Variants in PLA2G4A observed in about 807,000 individuals in gnomAD.
PLA2G4A encodes the protein cytosolic phospholipase A2.
In PLA2G4A, 40 loss-of-function variants were observed where a neutral mutation model predicts 81.9. The observed-to-expected ratio is 0.49, with a 90% CI of 0.38 to 0.64. The LOEUF (loss-of-function observed/expected upper bound fraction) is 0.64. PLA2G4A is among the 30% of genes least tolerant of loss of function. The probability of loss-of-function intolerance (pLI) is 0.00; values close to 1 mark genes in which losing one functional copy is unlikely to be tolerated. For missense variants in PLA2G4A, 715 were observed against 905.1 expected, an observed-to-expected ratio of 0.79 and a Z score of 2.69; for synonymous variants, 302 against 296.9, an observed-to-expected ratio of 1.02 and a Z score of -0.18.
chr1:186,968,841 T>G (rs1328376524), intron 15 of PLA2G4A, among the ~76,000 whole-genome samples: 1 of 151,828 alleles, frequency 6.6e-6, no homozygotes, highest in African/African-American at 2.4e-5. Context: ...TGTCTAATTA[T>G]ATATTTGAGT....
intron 2 of PLA2G4A, among the ~76,000 whole-genome samples, chr1:186,860,975 G>A (rs1189346531): frequency 6.6e-6 from 1 of 152,078 alleles, no homozygotes; most frequent in Non-Finnish European, 1.5e-5. Context: ...GTTTATTTCT[G>A]TGCCTGTTGA....
chr1:186,907,691 A>G (rs1486066422), intron 6 of PLA2G4A, among the ~76,000 whole-genome samples: 1 of 152,222 alleles, frequency 6.6e-6, no homozygotes, highest in Non-Finnish European at 1.5e-5. Flanking sequence ...TGCCACGAAA[A>G]CAAATTGAAC....
intron 1 of PLA2G4A, among the ~76,000 whole-genome samples, chr1:186,844,938 C>T (rs968283993): frequency 6.6e-6 from 1 of 152,062 alleles, no homozygotes; most frequent in Non-Finnish European, 1.5e-5. Flanking sequence ...GCCAAGGCCA[C>T]ACCTGATCAC....
chr1:186,947,998 A>G (rs1032402313), intron 12 of PLA2G4A, among the ~76,000 whole-genome samples: 7 of 152,180 alleles, frequency 4.6e-5, no homozygotes, highest in Non-Finnish European at 1.0e-4. Context: ...TTTACATGCA[A>G]AAGAGAATAC....
chr1:186,867,698 T>A (rs536222314), intron 2 of PLA2G4A, among the ~76,000 whole-genome samples: 1 of 152,284 alleles, frequency 6.6e-6, no homozygotes, highest in African/African-American at 2.4e-5. Flanking sequence ...TTCCTTTTCT[T>A]ATCTTATTGC....
At chr1:186,961,162 C>T (rs1656928121) in intron 14 of PLA2G4A, among the ~76,000 whole-genome samples, 2 of 30,458 alleles carry the variant, frequency 6.6e-5, no homozygotes, top group Admixed American at 4.4e-4. Context: ...GTGAGGATTA[C>T]CAGAAGCTGG....
chr1:186,855,333 T>C lies in PLA2G4A; in HGVS notation c.33+946T>C, dbSNP rs183518057. On this transcript the variant is annotated intron_variant, in intron 2 of 17. Coordinates refer to ENST00000367466, the MANE Select transcript of PLA2G4A (RefSeq NM_024420.3). ...TCTTCTCAGATTTTTCTGGTTTTGT[T>C]TCTTCTGTTTCCTTGCTGTTGGTTA... Among the ~76,000 whole-genome samples the C allele has an allele frequency of 5.4e-4, 82 of 152,140 alleles. 1 individual carries two copies. Among genetic ancestry groups the C allele is most frequent in the African/African-American group, 1.9e-3 (77 of 41,530 alleles).
chr1:186,868,300 AC>A (rs1039132840), intron 2 of PLA2G4A, among the ~76,000 whole-genome samples: 3 of 150,780 alleles, frequency 2.0e-5, no homozygotes, highest in African/African-American at 7.3e-5. Flanking sequence ...CTGGTCTCAA[AC>A]TCCTGACCTC....
At chr1:186,953,180 T>C (rs1319501537) in intron 13 of PLA2G4A, among the ~76,000 whole-genome samples, 1 of 152,216 alleles carries the variant, frequency 6.6e-6, no homozygotes. Context: ...TGCATTCCAC[T>C]ACCAGCCATG....
At chr1:186,878,523 T>C (rs1373748097) in intron 3 of PLA2G4A, among the ~76,000 whole-genome samples, 2 of 151,684 alleles carry the variant, frequency 1.3e-5, no homozygotes, top group East Asian at 3.9e-4. Context: ...TCATGGAAGA[T>C]AATTTCAAGA....
intron 2 of PLA2G4A, 100 bp from the exon 3 acceptor site, chr1:186,870,335 G>A (rs1231610511): frequency 2.7e-6 from 2 of 746,668 alleles, no homozygotes; most frequent in Non-Finnish European, 4.8e-6. Flanking sequence ...TGGTATGCAT[G>A]CTACTTGTTT....
intron 17 of PLA2G4A, among the ~76,000 whole-genome samples, chr1:186,984,276 C>G (rs1182384751): frequency 6.6e-6 from 1 of 152,100 alleles, no homozygotes; most frequent in Admixed American, 6.6e-5. Flanking sequence ...TGGCTGCATA[C>G]TCTATCTACT....
intron 2 of PLA2G4A, among the ~76,000 whole-genome samples, chr1:186,856,379 C>G (rs1416930491): frequency 6.8e-6 from 1 of 147,878 alleles, no homozygotes; most frequent in Non-Finnish European, 1.5e-5. Flanking sequence ...ACTTTATTTT[C>G]CAATTAGTTG....
At chr1:186,898,411 T>G (rs1654417892) in intron 5 of PLA2G4A, among the ~76,000 whole-genome samples, 1 of 152,176 alleles carries the variant, frequency 6.6e-6, no homozygotes, top group African/African-American at 2.4e-5. Flanking sequence ...ATTAAACAAC[T>G]GTTATGTTCC....
At chr1:186,887,443 A>G (rs1388027079) in intron 3 of PLA2G4A, among the ~76,000 whole-genome samples, 1 of 152,094 alleles carries the variant, frequency 6.6e-6, no homozygotes, top group Non-Finnish European at 1.5e-5. Context: ...AAGTTTTACC[A>G]CCCTGAAGCT....
At chr1:186,951,178 T>C (rs1656548805) in intron 13 of PLA2G4A, among the ~76,000 whole-genome samples, 1 of 152,054 alleles carries the variant, frequency 6.6e-6, no homozygotes, top group Non-Finnish European at 1.5e-5. Context: ...ACCCTCCCTC[T>C]TGAGAAAGGA....
At chr1:186,962,891 A>G (rs1314142710) in intron 14 of PLA2G4A, among the ~76,000 whole-genome samples, 2 of 152,334 alleles carry the variant, frequency 1.3e-5, no homozygotes, top group East Asian at 3.9e-4. Flanking sequence ...TTCTAAAGTA[A>G]TAGTGTCACA....
At chr1:186,931,026 G>A (rs1016574194) in intron 7 of PLA2G4A, among the ~76,000 whole-genome samples, 2 of 151,904 alleles carry the variant, frequency 1.3e-5, no homozygotes, top group Admixed American at 1.3e-4. Context: ...TTTATATCTA[G>A]CTTCCTTACA....
At chr1:186,955,883 G>A (rs1441023782) in intron 13 of PLA2G4A, among the ~76,000 whole-genome samples, 6 of 142,444 alleles carry the variant, frequency 4.2e-5, no homozygotes, top group Non-Finnish European at 4.6e-5. Context: ...AGAGGTGCAC[G>A]CCACCATGAC....
Sources: gnomAD v4.1 joint callset for allele counts (sites outside exome capture counted in the v4.1 genomes callset) on GRCh38, gnomAD v4.1.1 for gene constraint, MANE v1.5 for transcripts, NCBI Gene and HGNC (gene_info 2026-07-23, HGNC 2026-07-21) for gene names.